ADCY2: variants seen among roughly 807,000 people sequenced by gnomAD.
ADCY2 encodes adenylate cyclase 2.
A neutral mutation model predicts 125.2 loss-of-function variants in ADCY2; 31 were observed. The ratio of observed to expected loss-of-function variants is 0.25; its 90% CI spans 0.19 to 0.33. The LOEUF is 0.33. ADCY2 is among the 10% of genes least tolerant of loss of function. The probability of loss-of-function intolerance (pLI) is 1.00; values close to 1 mark genes in which losing one functional copy is unlikely to be tolerated. For missense variants in ADCY2, 904 were observed against 1,418.2 expected, an observed-to-expected ratio of 0.64 and a Z score of 5.82; for synonymous variants, 512 against 548.4, an observed-to-expected ratio of 0.93 and a Z score of 0.93.
In ADCY2 at chr5:7,626,171, T is replaced by C; in HGVS notation, c.575T>C (p.Leu192Pro). The C allele has an allele frequency of 6.2e-6, 10 of 1,613,372 alleles. No homozygotes were observed. The highest frequency in any genetic ancestry group is 6.8e-6 in the Non-Finnish European group (8 of 1,179,790). The change falls in exon 4 of 25, where the codon CTG becomes CCG. Residue 192 changes from leucine to proline, a missense_variant. By Grantham distance (98) the Leu-to-Pro change is moderately conservative. This residue lies in a region of ADCY2 where 121 missense variants were observed against 161.5 expected (regional missense o/e 0.75). Coordinates refer to ENST00000338316, the MANE Select transcript of ADCY2 (RefSeq NM_020546.3). The stretch of plus-strand genomic sequence containing the variant: ...CAGCTCTTTCTGTCTCTTTAGATCC[T>C]GGCCAATGTGATCATTTTCATCTGT... ...GGKEHLVWQI[L>P]ANVIIFICGN... is the part of the protein sequence containing the mutation.
intron 2 of ADCY2, among the ~76,000 whole-genome samples, chr5:7,452,256 C>T (rs1741502897): frequency 6.6e-6 from 1 of 152,104 alleles, no homozygotes; most frequent in South Asian, 2.1e-4. Flanking sequence ...TCCTGCCCTC[C>T]CCATTTCTGA....
At chr5:7,453,828 A>C (rs1741565856) in intron 2 of ADCY2, among the ~76,000 whole-genome samples, 1 of 152,098 alleles carries the variant, frequency 6.6e-6, no homozygotes, top group Admixed American at 6.5e-5. Flanking sequence ...AGTTGTACTC[A>C]TGCTCACTTG....
chr5:7,507,591 G>A (rs917121069), intron 2 of ADCY2, among the ~76,000 whole-genome samples: 1 of 152,058 alleles, frequency 6.6e-6, no homozygotes, highest in Non-Finnish European at 1.5e-5. Flanking sequence ...ATAAGAAGGA[G>A]GCACTTTCTG....
intron 6 of ADCY2, among the ~76,000 whole-genome samples, chr5:7,696,792 T>C (rs1740908887): frequency 6.6e-6 from 1 of 152,186 alleles, no homozygotes; most frequent in African/African-American, 2.4e-5. Context: ...CCCAAGGTTT[T>C]TGCCTTCTGT....
chr5:7,716,606 T>C (rs938902648), intron 11 of ADCY2, among the ~76,000 whole-genome samples: 3 of 152,236 alleles, frequency 2.0e-5, no homozygotes, highest in African/African-American at 7.2e-5. Context: ...TGGATGTTAA[T>C]AGAGAAGAGC....
intron 3 of ADCY2, among the ~76,000 whole-genome samples, chr5:7,572,895 C>T (rs1360558395): frequency 5.3e-5 from 8 of 152,084 alleles, no homozygotes; most frequent in African/African-American, 1.7e-4. Flanking sequence ...GAAGTCCTAA[C>T]CCCTAGTCCC....
intron 14 of ADCY2, among the ~76,000 whole-genome samples, chr5:7,733,719 G>A (rs1193010444): frequency 3.9e-5 from 6 of 152,132 alleles, no homozygotes; most frequent in Admixed American, 1.3e-4. Context: ...GATGGGATAA[G>A]CTCCCCCAAG....
intron 2 of ADCY2, among the ~76,000 whole-genome samples, chr5:7,476,596 C>T (rs891043347): frequency 2.6e-5 from 4 of 152,284 alleles, no homozygotes; most frequent in East Asian, 3.9e-4. Context: ...CACCAGTCTT[C>T]TCCCAAGTTT....
intron 4 of ADCY2, among the ~76,000 whole-genome samples, chr5:7,650,020 A>C (rs1211818811): frequency 6.6e-6 from 1 of 152,006 alleles, no homozygotes; most frequent in Non-Finnish European, 1.5e-5. Flanking sequence ...ATCCTCATCC[A>C]AGCCAGCATT....
intron 4 of ADCY2, 80 bp downstream of exon 4, chr5:7,626,396 T>C: frequency 6.8e-7 from 1 of 1,467,532 alleles, no homozygotes. Flanking sequence ...TTGAGTGTCG[T>C]TCATTCATTC....
At chr5:7,743,472 T>C (rs554473897) in intron 14 of ADCY2, among the ~76,000 whole-genome samples, 196 bp from the exon 15 acceptor site, 28 of 152,324 alleles carry the variant, frequency 1.8e-4, no homozygotes, top group African/African-American at 6.5e-4. Flanking sequence ...AATAAGTTAA[T>C]TGGCCATCGC....
intron 18 of ADCY2, among the ~76,000 whole-genome samples, chr5:7,779,342 G>A (rs972568294): frequency 2.0e-5 from 3 of 152,190 alleles, no homozygotes; most frequent in Non-Finnish European, 2.9e-5. Context: ...TTTTAGAATA[G>A]GGGAAGGGTT....
chr5:7,458,852 A>G (rs1741806030), intron 2 of ADCY2, among the ~76,000 whole-genome samples: 1 of 152,202 alleles, frequency 6.6e-6, no homozygotes, highest in Non-Finnish European at 1.5e-5. Context: ...AAGTGTTCTG[A>G]TTGAAGTAAT....
chr5:7,635,998 G>A (rs1382160771), intron 4 of ADCY2, among the ~76,000 whole-genome samples: 1 of 152,108 alleles, frequency 6.6e-6, no homozygotes, highest in African/African-American at 2.4e-5. Flanking sequence ...TTAGCCTGTG[G>A]CCAGGTGTCC....
chr5:7,624,656 T>C (rs972258279), intron 3 of ADCY2, among the ~76,000 whole-genome samples: 1 of 152,236 alleles, frequency 6.6e-6, no homozygotes, highest in South Asian at 2.1e-4. Flanking sequence ...TATGATTCTC[T>C]GTTCAGTCCT....
At chr5:7,466,495 A>G (rs571339293) in intron 2 of ADCY2, among the ~76,000 whole-genome samples, 72 of 152,334 alleles carry the variant, frequency 4.7e-4, no homozygotes, top group African/African-American at 1.7e-3. Context: ...TGCCAAGGCT[A>G]CACTGCCAGT....
intron 2 of ADCY2, among the ~76,000 whole-genome samples, chr5:7,481,815 A>G (rs142943825): frequency 5.9e-4 from 89 of 151,812 alleles, no homozygotes; most frequent in African/African-American, 2.1e-3. Flanking sequence ...TTTTAACTTG[A>G]TGTAATCCTA....
At chr5:7,653,522 G>A (rs767703727) in intron 4 of ADCY2, among the ~76,000 whole-genome samples, 5 of 151,996 alleles carry the variant, frequency 3.3e-5, no homozygotes, top group Non-Finnish European at 5.9e-5. Context: ...GGAGGAGAAT[G>A]GCATGAACCC....
chr5:7,440,920 G>C (rs1740990169), intron 2 of ADCY2, among the ~76,000 whole-genome samples: 1 of 152,192 alleles, frequency 6.6e-6, no homozygotes. Context: ...AGCCCTTTGA[G>C]GTAGAAGATG....
Sources: gnomAD v4.1 joint callset for allele counts (sites outside exome capture counted in the v4.1 genomes callset) on GRCh38, gnomAD v4.1.1 for gene constraint, gnomAD v4.1.1 regional missense constraint, MANE v1.5 for transcripts, NCBI Gene and HGNC (gene_info 2026-07-23, HGNC 2026-07-21) for gene names.